The following CFAP20DC variants were observed in gnomAD, a reference collection of about 807,000 sequenced individuals.
The protein encoded by CFAP20DC is protein CFAP20DC.
In CFAP20DC, 84 loss-of-function variants were observed where a neutral mutation model predicts 101.7. The ratio of observed to expected loss-of-function variants is 0.83; its 90% confidence interval spans 0.69 to 0.99. The LOEUF (loss-of-function observed/expected upper bound fraction) is 0.99, where lower values mean the gene tolerates loss of function less well. CFAP20DC is among the 50% of genes least tolerant of loss of function. The pLI is 0.00. For missense variants in CFAP20DC, 1,007 were observed against 970.3 expected, an observed-to-expected ratio of 1.04 and a Z score of -0.50; for synonymous variants, 359 against 351.2, an observed-to-expected ratio of 1.02 and a Z score of -0.25.
chr3:58,985,522 G>A (rs548814318), intron 4 of CFAP20DC, among the ~76,000 whole-genome samples: 17 of 151,908 alleles, frequency 1.1e-4, no homozygotes, highest in East Asian at 3.9e-4. Flanking sequence ...TTAAAAAATC[G>A]GTGCCTATTT....
Position 59,049,645 on chromosome 3 carries a change from C to G in CFAP20DC, c.-14G>C. Reference sequence around the variant, plus strand: ...ATTTTTGAACATTCCCGCAGGGGGCCCAGGGCTTGGGGGGCACAGAGTTCA... The same window carrying G: ...ATTTTTGAACATTCCCGCAGGGGGCGCAGGGCTTGGGGGGCACAGAGTTCA... On this transcript the variant is annotated 5_prime_UTR_variant, in exon 1 of 17. Transcript: ENST00000482387. 1 of 1,536,078 alleles carries G rather than the reference C, an allele frequency of 6.5e-7. No individual in the cohort carries two copies. Among genetic ancestry groups the G allele is most frequent in the South Asian group, 1.2e-5 (1 of 84,036 alleles).
intron 1 of CFAP20DC, 126 bp downstream of exon 1, chr3:59,049,483 TTC>T (rs1700139012): frequency 8.9e-6 from 8 of 899,590 alleles, no homozygotes; most frequent in South Asian, 1.4e-5. Flanking sequence ...CACCCATTAA[TTC>T]TGTCTTACCC....
chr3:58,980,591 C>A (rs892159964), intron 4 of CFAP20DC, among the ~76,000 whole-genome samples: 1 of 152,076 alleles, frequency 6.6e-6, no homozygotes, highest in Non-Finnish European at 1.5e-5. Flanking sequence ...ATAAACAGAA[C>A]CAAAGACAAA....
Position 58,806,395 on chromosome 3 carries a change from C to A in CFAP20DC, c.2237G>T (p.Arg746Leu), listed in dbSNP as rs372630966. 9 of 1,585,200 alleles carry A rather than the reference C, an allele frequency of 5.7e-6. No homozygotes were observed. Among genetic ancestry groups the A allele is most frequent in the Admixed American group, 1.7e-5 (1 of 59,934 alleles). ...EMNPPSPSNPRDWLNMLSPPI... is the reference protein window; with the variant it reads ...EMNPPSPSNPLDWLNMLSPPI... ...AATGTAGATTATTAATGATTCTTAC[C>A]GGGGATTAGAAGGAGAAGGTGGGTT... The change falls in exon 15 of 17, where the codon CGG becomes CTG. Residue 746 changes from arginine to leucine, a missense_variant and splice_region_variant. Coordinates refer to ENST00000482387, the MANE Select transcript of CFAP20DC (RefSeq NM_001394063.1).
intron 4 of CFAP20DC, among the ~76,000 whole-genome samples, chr3:58,941,327 CAAAAAAAAAAAAAAA>C (rs752324535): frequency 5.1e-5 from 1 of 19,534 alleles, no homozygotes; most frequent in South Asian, 3.7e-3. Flanking sequence ...GACTCCGTCT[CAAAAAAAAAAAAAAA>C]AAAAAAAAAA....
At chr3:58,753,317 CA>C (rs2068701609) in intron 16 of CFAP20DC, among the ~76,000 whole-genome samples, 1 of 152,118 alleles carries the variant, frequency 6.6e-6, no homozygotes, top group Admixed American at 6.6e-5. Flanking sequence ...ATAATAATGC[CA>C]ACAGCTGGTA....
intron 4 of CFAP20DC, among the ~76,000 whole-genome samples, chr3:58,967,972 T>C (rs1163434008): frequency 6.6e-6 from 1 of 152,228 alleles, no homozygotes; most frequent in Non-Finnish European, 1.5e-5. Context: ...TTTAGTTTTC[T>C]GTTCCTGTGA....
intron 15 of CFAP20DC, among the ~76,000 whole-genome samples, chr3:58,776,162 G>A (rs892607801): frequency 6.6e-6 from 1 of 152,170 alleles, no homozygotes; most frequent in African/African-American, 2.4e-5. Flanking sequence ...CCCAAGCTGA[G>A]CAACAGTCCA....
chr3:59,034,081 T>C (rs915437891), intron 4 of CFAP20DC, among the ~76,000 whole-genome samples: 2 of 152,350 alleles, frequency 1.3e-5, no homozygotes, highest in African/African-American at 4.8e-5. Context: ...CGGAATTTCA[T>C]ATCCAGTCAA....
intron 7 of CFAP20DC, among the ~76,000 whole-genome samples, chr3:58,876,304 A>C (rs887675273): frequency 2.6e-5 from 4 of 152,140 alleles, no homozygotes; most frequent in African/African-American, 9.7e-5. Flanking sequence ...TCGGGTCCTA[A>C]TTAACACCTA....
Position 59,049,626 on chromosome 3 carries a change from G to T in CFAP20DC, c.6C>A (p.Phe2Leu), listed in dbSNP as rs1011146091. Residue 2 changes from phenylalanine to leucine, a missense_variant, in exon 1 of 17, where the codon TTC becomes TTA. By Grantham distance (22) the Phe-to-Leu change is conservative. Coordinates refer to ENST00000482387, the MANE Select transcript of CFAP20DC (RefSeq NM_001394063.1). ...TTCGGGTTACCTGGTACTCATTTTT[G>T]AACATTCCCGCAGGGGGCCCAGGGC... The part of the protein sequence containing the change: M[F>L]KNEYQGGAFV... 7 of 1,536,128 alleles carry T rather than the reference G, an allele frequency of 4.6e-6. No homozygotes were observed. The highest frequency in any genetic ancestry group is 2.4e-5 in the East Asian group (1 of 40,918).
At chr3:58,956,264 C>CATTTCTGA (rs1330864689) in intron 4 of CFAP20DC, among the ~76,000 whole-genome samples, 2 of 151,886 alleles carry the variant, frequency 1.3e-5, no homozygotes, top group African/African-American at 4.8e-5. Flanking sequence ...TCTTGGAAGG[C>CATTTCTGA]ATTTCTGAAT....
chr3:58,786,447 T>A (rs2072345053), intron 15 of CFAP20DC, among the ~76,000 whole-genome samples: 1 of 152,130 alleles, frequency 6.6e-6, no homozygotes, highest in South Asian at 2.1e-4. Flanking sequence ...GGTCCAAAAA[T>A]ATTAAATGGA....
chr3:58,828,760 C>T (rs1472230485), intron 14 of CFAP20DC, among the ~76,000 whole-genome samples: 1 of 151,588 alleles, frequency 6.6e-6, no homozygotes, highest in Non-Finnish European at 1.5e-5. Flanking sequence ...TGCAATGTAC[C>T]CTGGTGACAA....
chr3:59,047,071 A>C, intron 2 of CFAP20DC, 94 bp downstream of exon 2: 1 of 819,114 alleles, frequency 1.2e-6, no homozygotes, highest in Non-Finnish European at 1.9e-6. Flanking sequence ...AAGAACAGGA[A>C]AAACAGCTCT....
At chr3:59,044,020 C>T (rs1699644324) in intron 3 of CFAP20DC, among the ~76,000 whole-genome samples, 1 of 152,080 alleles carries the variant, frequency 6.6e-6, no homozygotes, top group Non-Finnish European at 1.5e-5. Flanking sequence ...TCACAATTTC[C>T]TTTATTTTAT....
intron 12 of CFAP20DC, among the ~76,000 whole-genome samples, chr3:58,850,501 T>C (rs970224512): frequency 1.3e-5 from 2 of 151,446 alleles, no homozygotes; most frequent in African/African-American, 2.4e-5. Flanking sequence ...GGCAGGAGAA[T>C]TGCTTGAACC....
At position 59,013,007 on chromosome 3, in the gene CFAP20DC, C is replaced by T. The variant is rs569270623; in HGVS notation, c.278+26550G>A. On this transcript the variant is annotated intron_variant, in intron 4 of 16. Transcript: ENST00000482387. ...AAAAGAACGCATAATTTCATGAAGACTTAGACATTAAATCATAAAAAGAAG... is the reference window on the plus strand; with the variant it reads ...AAAAGAACGCATAATTTCATGAAGATTTAGACATTAAATCATAAAAAGAAG... Among the ~76,000 whole-genome samples the T allele has an allele frequency of 3.3e-5, 5 of 152,226 alleles. No homozygotes were observed. The South Asian group carries it at 1.0e-3, about 32-fold the overall frequency.
At chr3:58,847,303 TCAAA>T (rs1172660864) in intron 13 of CFAP20DC, among the ~76,000 whole-genome samples, 4 of 144,280 alleles carry the variant, frequency 2.8e-5, no homozygotes, top group African/African-American at 1.0e-4. Flanking sequence ...TACAATGAAC[TCAAA>T]CAAATTTACA....
Sources: allele counts gnomAD v4.1 joint callset (sites outside exome capture counted in the v4.1 genomes callset), GRCh38; gene constraint gnomAD v4.1.1; transcripts MANE v1.5; gene names NCBI Gene and HGNC (gene_info 2026-07-23, HGNC 2026-07-21).